Variants in SPRTN observed in about 807,000 individuals in gnomAD.
SPRTN encodes SprT-like N-terminal domain, also known as DNA-dependent metalloprotease SPRTN.
Under a neutral mutation model 31.9 loss-of-function variants are expected in SPRTN, and 11 were observed. The observed-to-expected ratio is 0.34, with a 90% CI of 0.22 to 0.57. The LOEUF is 0.57. Among genes scored for constraint, SPRTN ranks in the 20% least tolerant of loss-of-function variants. The pLI, the probability that SPRTN is intolerant of heterozygous loss-of-function variation, is 0.86. For missense variants in SPRTN, 482 were observed against 590.1 expected, an observed-to-expected ratio of 0.82 and a Z score of 1.90; for synonymous variants, 185 against 212.1, an observed-to-expected ratio of 0.87 and a Z score of 1.11.
chr1:231,354,401 C>G lies in SPRTN; in HGVS notation c.*1040C>G, dbSNP rs1371329949. On this transcript the variant is annotated 3_prime_UTR_variant, in exon 5 of 5. Coordinates refer to ENST00000295050, the MANE Select transcript of SPRTN (RefSeq NM_032018.7). ...TTTCTTTTTTCTTGTTGCAATTTTC[C>G]TTCACTTTGTTGTAATACAGGTGCA... 4 of 984,832 alleles carry G rather than the reference C, an allele frequency of 4.1e-6. No individual in the cohort carries two copies. The Admixed American group carries it at 2.5e-4, about 61-fold the overall frequency. The allele number at this position is 984,832 out of a possible 1,614,324, so 61.0% of individuals were successfully genotyped here. A position where few individuals can be genotyped will look rare whatever the true frequency, so the allele number is the denominator to read the frequency against.
intron 2 of SPRTN, among the ~76,000 whole-genome samples, chr1:231,343,241 TCTATAGCCTAGGTATATATACC>T (rs1558363156): frequency 1.3e-5 from 2 of 152,034 alleles, no homozygotes; most frequent in Non-Finnish European, 2.9e-5. Flanking sequence ...GTATATATAC[TCTATAGCCTAGGTATATATACC>T]CTATAGCCTA....
intron 1 of SPRTN, 129 bp from the exon 2 acceptor site, chr1:231,339,640 G>A (rs1001046222): frequency 1.5e-5 from 15 of 973,166 alleles, no homozygotes; most frequent in Non-Finnish European, 2.4e-5. Flanking sequence ...GCAAGTATCT[G>A]CTAACCAAGG....
intron 2 of SPRTN, among the ~76,000 whole-genome samples, chr1:231,340,290 T>C (rs203752): frequency 0.97 from 146,939 of 152,226 alleles, 70,946 homozygotes; most frequent in African/African-American, 0.99. Flanking sequence ...TGGCATGAAC[T>C]GAGGAGGCGG....
rs73116379 is a variant in SPRTN, at chr1:231,351,387, G to A, written c.534G>A (p.Pro178=). 2.4e-3 allele frequency: 3,903 copies of A among 1,614,078 alleles called. 76 individuals are homozygous for A. In the African/African-American group the frequency reaches 0.044, roughly 18 times the overall value. Residue 178 remains proline, a synonymous_variant, in exon 4 of 5, where the codon CCG becomes CCA. Coordinates refer to ENST00000295050, the MANE Select transcript of SPRTN (RefSeq NM_032018.7). ...ATGGGCCGTGCCAGCACAGGCCACC[G>A]TATTACGGCTATGTCAAACGAGCTA... ...RCNGPCQHRP[P]YYGYVKRATN...
intron 1 of SPRTN, 53 bp downstream of exon 1, chr1:231,338,657 GC>G (rs1203357727): frequency 6.9e-6 from 11 of 1,602,474 alleles, no homozygotes; most frequent in Non-Finnish European, 8.5e-6. Flanking sequence ...CTTTCCTGCA[GC>G]CCCCGGCCCT....
chr1:231,353,671 G>A lies in SPRTN; in HGVS notation c.*310G>A, dbSNP rs1485289578. 1.1e-5 allele frequency: 11 copies of A among 1,015,882 alleles called. No individual in the cohort carries two copies. The African/African-American group carries it at 1.4e-4, about 13-fold the overall frequency. 62.9% of individuals were successfully genotyped at this position (1,015,882 alleles called of 1,614,324 possible). A position where few individuals can be genotyped will look rare whatever the true frequency, so the allele number is the denominator to read the frequency against. ...TAAAAACCTGTTAATCTTTTTATTT[G>A]TATACTTTCCTAAAAATATTCATAT... On this transcript the variant is annotated 3_prime_UTR_variant, in exon 5 of 5. Transcript: ENST00000295050.
rs560897223 is a variant in SPRTN, at chr1:231,353,140, T to C, written c.1249T>C (p.Phe417Leu). 1 of 1,612,254 alleles carries C rather than the reference T, an allele frequency of 6.2e-7. No individual in the cohort carries two copies. The highest frequency in any genetic ancestry group is 1.1e-5 in the South Asian group (1 of 90,654). Residue 417 changes from phenylalanine (F) to leucine (L), a missense_variant, in exon 5 of 5, where the codon TTT becomes CTT. Physicochemically the swap from Phe to Leu is conservative, Grantham distance 22. Transcript: ENST00000295050. ...KRPRLEDKTVFDNFFIKKEQI... is the reference protein window; with the variant it reads ...KRPRLEDKTVLDNFFIKKEQI... ...ACCTAGGCTAGAAGATAAGACTGTT[T>C]TTGACAATTTTTTTATCAAGAAAGA...
chr1:231,348,521 C>A (rs1405894718), intron 3 of SPRTN, among the ~76,000 whole-genome samples: 1 of 152,198 alleles, frequency 6.6e-6, no homozygotes, highest in African/African-American at 2.4e-5. Flanking sequence ...TTAGCCCAAT[C>A]TGACACTAAT....
In SPRTN at chr1:231,351,540, A is replaced by C. The variant is rs765344609; in HGVS notation, c.687A>C (p.Gly229=). Residue 229 remains glycine, a synonymous_variant, in exon 4 of 5, where the codon GGA becomes GGC. Transcript: ENST00000295050. ...AAGGCAAAGGAAAGGCAAAACTAGG[A>C]AAGGAACCAGTATTGGCCGCAGAGA... The part of the protein sequence containing the change: ...SKKGKGKAKL[G]KEPVLAAENK... 6.2e-7 allele frequency: 1 copy of C among 1,614,208 alleles called. No individual in the cohort carries two copies. Among genetic ancestry groups the C allele is most frequent in the South Asian group, 1.1e-5 (1 of 91,080 alleles).
intron 2 of SPRTN, among the ~76,000 whole-genome samples, chr1:231,342,630 C>T (rs59987396): frequency 0.012 from 1,885 of 151,782 alleles, 40 homozygotes; most frequent in African/African-American, 0.043. Context: ...GGGGTTTCAC[C>T]ATGTTGGCTG....
rs866116586 is a variant in SPRTN, at chr1:231,353,634, T to C, written c.*273T>C. The stretch of plus-strand genomic sequence containing the variant: ...TTTAGATACTTTTGTTCTTTCTTGC[T>C]CTTAAGGATTTTAAAAACCTGTTAA... On this transcript the variant is annotated 3_prime_UTR_variant, in exon 5 of 5. Transcript: ENST00000295050. The C allele has an allele frequency of 1.0e-5, 11 of 1,084,494 alleles. No individual in the cohort carries two copies. The African/African-American group carries it at 1.8e-4, about 18-fold the overall frequency. The allele number at this position is 1,084,494 out of a possible 1,614,324, so 67.2% of individuals were successfully genotyped here.
At chr1:231,340,808 A>AG in intron 2 of SPRTN, among the ~76,000 whole-genome samples, 1 of 152,094 alleles carries the variant, frequency 6.6e-6, no homozygotes, top group South Asian at 2.1e-4. Flanking sequence ...CAAAAAAAAA[A>AG]AGAAAGAATT....
At chr1:231,347,314 A>G (rs1167526386) in intron 2 of SPRTN, among the ~76,000 whole-genome samples, 1 of 152,112 alleles carries the variant, frequency 6.6e-6, no homozygotes, top group East Asian at 1.9e-4. Context: ...TATTTTGTGA[A>G]TGAGTGCTTA....
intron 3 of SPRTN, among the ~76,000 whole-genome samples, chr1:231,349,662 C>T (rs1427469043): frequency 1.3e-5 from 2 of 152,092 alleles, no homozygotes; most frequent in African/African-American, 4.8e-5. Context: ...ATTTTAGTGA[C>T]TACATTGTTA....
chr1:231,353,422 G>A lies in SPRTN; in HGVS notation c.*61G>A. 3.3e-6 allele frequency: 5 copies of A among 1,504,184 alleles called. No individual in the cohort carries two copies. The highest frequency in any genetic ancestry group is 4.4e-6 in the Non-Finnish European group (5 of 1,136,420). 93.2% of individuals were successfully genotyped at this position (1,504,184 alleles called of 1,614,324 possible). A position where few individuals can be genotyped will look rare whatever the true frequency, so the allele number is the denominator to read the frequency against. ...TCTCACTAATGTGCTATGTCAGCCAGTCAGGAAGTTCTGGTTAATACTAAG... is the reference window on the plus strand; with the variant it reads ...TCTCACTAATGTGCTATGTCAGCCAATCAGGAAGTTCTGGTTAATACTAAG... On this transcript the variant is annotated 3_prime_UTR_variant, in exon 5 of 5. Transcript: ENST00000295050.
chr1:231,344,786 C>A (rs368968238), intron 2 of SPRTN: 66 of 269,642 alleles, frequency 2.4e-4, no homozygotes, highest in African/African-American at 1.3e-3. Context: ...AAAACCCCAG[C>A]AATCTTAAAT....
At position 231,353,032 on chromosome 1, in the gene SPRTN, A is replaced by C. The variant is rs200135890; in HGVS notation, c.1141A>C (p.Asn381His). 1.6e-4 allele frequency: 256 copies of C among 1,614,026 alleles called. No individual in the cohort carries two copies. The highest frequency in any genetic ancestry group is 1.8e-4 in the Non-Finnish European group (218 of 1,180,016). Residue 381 changes from asparagine (N) to histidine (H), a missense_variant, in exon 5 of 5, where the codon AAT becomes CAT. Transcript: ENST00000295050. The stretch of plus-strand genomic sequence containing the variant: ...TTCATCTTCTAAGATATCCCTAAGA[A>C]ATTCTTCAAAAGTAACGGAATCAGC... ...RVSSSKISLR[N>H]SSKVTESASV...
intron 2 of SPRTN, among the ~76,000 whole-genome samples, chr1:231,345,240 G>T (rs536583362): frequency 6.6e-5 from 10 of 151,676 alleles, no homozygotes; most frequent in Admixed American, 1.3e-4. Flanking sequence ...TCCTGCCTCT[G>T]CCTCAGCCTC....
chr1:231,354,983 T>A lies in SPRTN; in HGVS notation c.*1622T>A. On this transcript the variant is annotated 3_prime_UTR_variant, in exon 5 of 5. Transcript: ENST00000295050. ...GCTGTTCACAAATTTTGATATTCCT[T>A]AAAGCATTAAAACATTTTAATAAAT... 1.1e-6 allele frequency: 1 copy of A among 925,952 alleles called. No individual in the cohort carries two copies. Among genetic ancestry groups the A allele is most frequent in the Non-Finnish European group, 1.3e-6 (1 of 775,748 alleles). The allele number at this position is 925,952 out of a possible 1,614,324, so 57.4% of individuals were successfully genotyped here. A position where few individuals can be genotyped will look rare whatever the true frequency, so the allele number is the denominator to read the frequency against.
Sources: allele counts gnomAD v4.1 joint callset (sites outside exome capture counted in the v4.1 genomes callset), GRCh38; gene constraint gnomAD v4.1.1; transcripts MANE v1.5; gene names NCBI Gene and HGNC (gene_info 2026-07-23, HGNC 2026-07-21).